Variants in JAKMIP3 observed in about 807,000 individuals in gnomAD.
The protein encoded by JAKMIP3 is janus kinase and microtubule-interacting protein 3.
Under a neutral mutation model 118.5 loss-of-function variants are expected in JAKMIP3, and 58 were observed. The observed-to-expected ratio is 0.49, with a 90% CI of 0.40 to 0.61. The LOEUF is 0.61. JAKMIP3 is among the 20% of genes least tolerant of loss of function. The pLI, the probability that JAKMIP3 is intolerant of heterozygous loss-of-function variation, is 0.00. For missense variants in JAKMIP3, 950 were observed against 1,109.0 expected (o/e 0.86, Z 2.04); for synonymous variants, 486 against 451.2 (o/e 1.08, Z -0.98).
intron 2 of JAKMIP3, among the ~76,000 whole-genome samples, chr10:132,109,069 C>CGCAT (rs2046398488): frequency 7.5e-4 from 1 of 1,334 alleles, no homozygotes; most frequent in Non-Finnish European, 5.0e-3. Flanking sequence ...CACATATACA[C>CGCAT]ACATACACAT....
At chr10:132,104,388 C>G (rs1408942630) in intron 1 of JAKMIP3, among the ~76,000 whole-genome samples, 1 of 152,198 alleles carries the variant, frequency 6.6e-6, no homozygotes, top group African/African-American at 2.4e-5. Flanking sequence ...CCCTCACTCT[C>G]TGATTCCTAA....
At chr10:132,116,883 TGTGA>T (rs1447566843) in intron 2 of JAKMIP3, among the ~76,000 whole-genome samples, 190 bp from the exon 3 acceptor site, 1 of 142,332 alleles carries the variant, frequency 7.0e-6, no homozygotes, top group Non-Finnish European at 1.5e-5. Context: ...CACATTCAGG[TGTGA>T]GTGTGTGCAA....
intron 3 of JAKMIP3, among the ~76,000 whole-genome samples, chr10:132,126,539 T>C (rs1248647979): frequency 7.2e-6 from 1 of 139,466 alleles, no homozygotes; most frequent in Admixed American, 7.4e-5. Context: ...CTGGCTCAAC[T>C]GATCCTCCCA....
intron 1 of JAKMIP3, among the ~76,000 whole-genome samples, chr10:132,098,788 A>G (rs2044374707): frequency 6.6e-6 from 1 of 152,104 alleles, no homozygotes; most frequent in Non-Finnish European, 1.5e-5. Context: ...TCTTTACCAC[A>G]GCGCTCCTCT....
rs148535613 is a variant in JAKMIP3 at position 132,066,043 on chromosome 10, A to G, written c.-156A>G. ...GAGCAGAGCGATGGGAGAGAGGAGC[A>G]GACAGCGAGCTTTGGAATGTGAGTG... On this transcript the variant is annotated 5_prime_UTR_variant, in exon 1 of 24. Transcript: ENST00000684848. 1.0e-3 allele frequency among the ~76,000 whole-genome samples: 153 copies of G among 152,368 alleles called. No individual in the cohort carries two copies. Among genetic ancestry groups the G allele is most frequent in the African/African-American group, 3.5e-3 (147 of 41,596 alleles).
At chr10:132,058,941 C>T (rs545059896) in intron 1 of JAKMIP3, among the ~76,000 whole-genome samples, 7 of 152,340 alleles carry the variant, frequency 4.6e-5, no homozygotes, top group South Asian at 2.1e-4. Flanking sequence ...CTTCGCATCG[C>T]GTCGCGCCCA....
rs1163499240 is a variant in JAKMIP3 at position 132,183,163 on chromosome 10, T to C, written c.*1910T>C. 1 of 152,244 alleles carries C rather than the reference T, an allele frequency of 6.6e-6. No individual in the cohort carries two copies. The highest frequency in any genetic ancestry group is 2.4e-5 in the African/African-American group (1 of 41,454). 9.4% of individuals were successfully genotyped at this position (152,244 alleles called of 1,614,324 possible). ...CTGAATGGCACACAATAGCCTTGTGTTAATAAAAGCTACCGTGGCGCTGTG... is the reference window on the plus strand; with the variant it reads ...CTGAATGGCACACAATAGCCTTGTGCTAATAAAAGCTACCGTGGCGCTGTG... On this transcript the variant is annotated 3_prime_UTR_variant, in exon 24 of 24. Transcript: ENST00000684848.
intron 1 of JAKMIP3, among the ~76,000 whole-genome samples, chr10:132,089,835 G>C (rs574806827): frequency 6.6e-6 from 1 of 152,170 alleles, no homozygotes; most frequent in African/African-American, 2.4e-5. Context: ...GTATGATATT[G>C]TCTGTGGGTT....
Position 132,169,217 on chromosome 10 carries a change from C to T in JAKMIP3, c.*1103+184C>T, listed in dbSNP as rs930361950. On this transcript the variant is annotated intron_variant, in intron 23 of 23. Transcript: ENST00000684848. ...ACAGGGCCTGGGGGCTGGTGTGGAG[C>T]GTGGCGTGAGCTGTCGCTGGGGCAG... Among the ~76,000 whole-genome samples, 37 of 152,286 alleles carry T rather than the reference C, an allele frequency of 2.4e-4. 1 individual carries two copies. The highest frequency in any genetic ancestry group is 4.6e-4 in the Non-Finnish European group (31 of 68,014).
intron 1 of JAKMIP3, among the ~76,000 whole-genome samples, chr10:132,056,161 G>A (rs190716575): frequency 4.7e-4 from 72 of 152,278 alleles, no homozygotes; most frequent in African/African-American, 1.7e-3. Context: ...CGTTCCTGGT[G>A]AGCGGTGGGA....
At chr10:132,165,145 C>G (rs1208717837) in intron 21 of JAKMIP3, among the ~76,000 whole-genome samples, 2 of 152,218 alleles carry the variant, frequency 1.3e-5, no homozygotes, top group East Asian at 3.8e-4. Context: ...AATCCAGTTC[C>G]CGGATCAGAA....
At chr10:132,102,205 G>T (rs766802007) in intron 1 of JAKMIP3, among the ~76,000 whole-genome samples, 8 of 152,140 alleles carry the variant, frequency 5.3e-5, no homozygotes, top group Non-Finnish European at 1.2e-4. Flanking sequence ...ATACTTCTCA[G>T]GCCTTTCCCA....
Position 132,117,514 on chromosome 10 carries a change from C to T in JAKMIP3, c.573C>T (p.His191=), listed in dbSNP as rs370533477. The part of the protein sequence containing the change: ...IKAAEIRSVY[H]LHQEEITRIK... ...CCGCAGAGATCCGCAGCGTGTACCA[C>T]CTGCACCAGGAGGAGATCACCCGCA... Residue 191 remains histidine (H), a synonymous_variant, in exon 3 of 24, where the codon CAC becomes CAT. Coordinates refer to ENST00000684848, the MANE Select transcript of JAKMIP3 (RefSeq NM_001323087.2). This position sits in a 1 kb window ranked among gnomAD's most constrained non-coding sequence, Gnocchi z 8.6. 2.4e-5 allele frequency: 39 copies of T among 1,605,274 alleles called. No homozygotes were observed. The African/African-American group carries it at 4.8e-4, about 20-fold the overall frequency.
intron 8 of JAKMIP3, 83 bp from the exon 9 acceptor site, chr10:132,138,035 GA>G: frequency 7.7e-7 from 1 of 1,290,418 alleles, no homozygotes. Flanking sequence ...TCATCCAAAT[GA>G]TGGCACACGG....
At chr10:132,046,103 C>T (rs1045779543) in intron 1 of JAKMIP3, among the ~76,000 whole-genome samples, 19 of 152,088 alleles carry the variant, frequency 1.2e-4, no homozygotes, top group African/African-American at 4.3e-4. Context: ...CCTGACACCC[C>T]CAGCTTCCAC....
chr10:132,129,875 C>T (rs932623171), intron 3 of JAKMIP3, among the ~76,000 whole-genome samples: 3 of 138,814 alleles, frequency 2.2e-5, no homozygotes, highest in Non-Finnish European at 3.1e-5. Context: ...GCATCAGTAC[C>T]TTTTTTTTTT....
chr10:132,081,588 G>A (rs1226201841), intron 1 of JAKMIP3, among the ~76,000 whole-genome samples: 1 of 152,132 alleles, frequency 6.6e-6, no homozygotes, highest in African/African-American at 2.4e-5. Flanking sequence ...AGGTGCCCTT[G>A]GAGAGGTCTG....
intron 4 of JAKMIP3, among the ~76,000 whole-genome samples, chr10:132,134,635 AG>A (rs2051352291): frequency 6.6e-6 from 1 of 152,166 alleles, no homozygotes; most frequent in South Asian, 2.1e-4. Context: ...ACCCTCCTGA[AG>A]GGGCAGCGGC....
At chr10:132,122,178 C>A (rs907467713) in intron 3 of JAKMIP3, among the ~76,000 whole-genome samples, 1 of 152,232 alleles carries the variant, frequency 6.6e-6, no homozygotes, top group Non-Finnish European at 1.5e-5. Context: ...CCTCCCCAGC[C>A]CCCCTGGTCG....
Sources: allele counts gnomAD v4.1 joint callset (sites outside exome capture counted in the v4.1 genomes callset), GRCh38; gene constraint gnomAD v4.1.1; non-coding constraint Gnocchi (gnomAD v3.1); transcripts MANE v1.5; gene names NCBI Gene and HGNC (gene_info 2026-07-23, HGNC 2026-07-21).